The following ALPL variants were observed in gnomAD, a reference collection of about 807,000 sequenced individuals.
The protein encoded by ALPL is alkaline phosphatase, biomineralization associated.
ALPL carries 42 observed loss-of-function variants against 51.3 expected under a neutral mutation model. That is an observed-to-expected ratio of 0.82 (90% confidence interval 0.64 to 1.06). The LOEUF (loss-of-function observed/expected upper bound fraction) is 1.06, where lower values mean the gene tolerates loss of function less well. Among genes scored for constraint, ALPL ranks in the 50% least tolerant of loss-of-function variants. The probability of loss-of-function intolerance (pLI) is 0.00; values close to 1 mark genes in which losing one functional copy is unlikely to be tolerated. For missense variants in ALPL, 589 were observed against 709.4 expected, an observed-to-expected ratio of 0.83 and a Z score of 1.93; for synonymous variants, 279 against 296.4, an observed-to-expected ratio of 0.94 and a Z score of 0.60.
At chr1:21,566,764 A>T (rs1644571027) in intron 6 of ALPL, among the ~76,000 whole-genome samples, 1 of 149,714 alleles carries the variant, frequency 6.7e-6, no homozygotes, top group South Asian at 2.1e-4. Context: ...TAAGTTTCGA[A>T]ACAAATTTTA....
intron 1 of ALPL, among the ~76,000 whole-genome samples, chr1:21,548,028 G>C (rs1644274537): frequency 6.6e-6 from 1 of 152,232 alleles, no homozygotes; most frequent in African/African-American, 2.4e-5. Context: ...TGCTCCTCTG[G>C]CGCCACAGCC....
Position 21,576,628 on chromosome 1 carries a change from C to G in ALPL, c.1296C>G (p.Ser432=), listed in dbSNP as rs1280807181. The G allele has an allele frequency of 4.3e-6, 7 of 1,613,800 alleles. No individual in the cohort carries two copies. Among genetic ancestry groups the G allele is most frequent in the Non-Finnish European group, 5.9e-6 (7 of 1,179,840 alleles). The change falls in exon 11 of 12, where the codon TCC becomes TCG. Residue 432 remains serine (S), a synonymous_variant. Coordinates refer to ENST00000374840, the MANE Select transcript of ALPL (RefSeq NM_000478.6). ...KVVGGERENV[S]MVDYAHNNYQ... Reference sequence around the variant, plus strand: ...TGGGCGGTGAACGAGAGAATGTCTCCATGGTGGACTATGGTGAGACCTCCA... The same window carrying G: ...TGGGCGGTGAACGAGAGAATGTCTCGATGGTGGACTATGGTGAGACCTCCA...
rs144525601 is a variant in ALPL, at chr1:21,555,590, G to A, written c.61+1448G>A. Among the ~76,000 whole-genome samples the A allele has an allele frequency of 2.7e-3, 415 of 151,836 alleles. 3 individuals are homozygous for A. The highest frequency in any genetic ancestry group is 9.4e-3 in the African/African-American group (391 of 41,408). ...CGCCGCAACACCCGGCTAATTTTTT[G>A]TATTCTTATTAGAGACGGGGTTTCA... On this transcript the variant is annotated intron_variant, in intron 2 of 11. Coordinates refer to ENST00000374840, the MANE Select transcript of ALPL (RefSeq NM_000478.6).
At chr1:21,570,435 G>A in intron 8 of ALPL, 61 bp downstream of exon 8, 1 of 1,545,594 alleles carries the variant, frequency 6.5e-7, no homozygotes, top group East Asian at 2.3e-5. Flanking sequence ...GGAGCTGCGT[G>A]TGGCCAGCAC....
chr1:21,514,650 C>T (rs1030832433), intron 1 of ALPL, among the ~76,000 whole-genome samples: 3 of 152,114 alleles, frequency 2.0e-5, no homozygotes, highest in Non-Finnish European at 4.4e-5. Flanking sequence ...TAGGTCTCCA[C>T]GAATCAACTG....
rs1490668038 is a variant in ALPL at position 21,561,103 on chromosome 1, G to T, written c.188G>T (p.Gly63Val). ...CCCCCACTCCCCACTGCAGGGATGG[G>T]TGTCTCCACAGTGACGGCTGCCCGC... ...NVIMFLGDGM[G>V]VSTVTAARIL... The change falls in exon 4 of 12, where the codon GGT (glycine) becomes GTT (valine). Residue 63 changes from glycine to valine, a missense_variant. Transcript: ENST00000374840. The T allele has an allele frequency of 1.2e-6, 2 of 1,609,188 alleles. No individual in the cohort carries two copies. The highest frequency in any genetic ancestry group is 2.2e-5 in the East Asian group (1 of 44,648).
intron 1 of ALPL, among the ~76,000 whole-genome samples, chr1:21,514,659 T>C (rs1010746041): frequency 1.3e-5 from 2 of 152,196 alleles, no homozygotes; most frequent in African/African-American, 4.8e-5. Flanking sequence ...ACGAATCAAC[T>C]GCTCCAGGGG....
chr1:21,560,011 G>A (rs530888136), intron 2 of ALPL, among the ~76,000 whole-genome samples: 6 of 152,360 alleles, frequency 3.9e-5, no homozygotes, highest in East Asian at 3.9e-4. Flanking sequence ...GCAGAATGTC[G>A]TCCTTGATAA....
At chr1:21,568,984 C>T (rs1644607597) in intron 7 of ALPL, among the ~76,000 whole-genome samples, 1 of 152,134 alleles carries the variant, frequency 6.6e-6, no homozygotes, top group African/African-American at 2.4e-5. Flanking sequence ...GGGCTGAAGA[C>T]AGTGGGGAGT....
intron 1 of ALPL, among the ~76,000 whole-genome samples, chr1:21,519,129 A>G (rs1157423632): frequency 6.6e-6 from 1 of 152,200 alleles, no homozygotes; most frequent in Non-Finnish European, 1.5e-5. Context: ...TCGCCAAAGC[A>G]CTTCGCTCAC....
chr1:21,547,184 C>G (rs55855375), intron 1 of ALPL, among the ~76,000 whole-genome samples: 14,115 of 152,240 alleles, frequency 0.093, 944 homozygotes, highest in African/African-American at 0.19. Flanking sequence ...GTTGAATGAA[C>G]AAGCATCGGG....
intron 2 of ALPL, among the ~76,000 whole-genome samples, chr1:21,558,902 G>A (rs1260066473): frequency 6.6e-6 from 1 of 152,202 alleles, no homozygotes; most frequent in Admixed American, 6.5e-5. Context: ...CCCACTTGGG[G>A]CCCTAATCTC....
At chr1:21,567,627 G>A (rs759157314) in intron 6 of ALPL, among the ~76,000 whole-genome samples, 42 of 152,220 alleles carry the variant, frequency 2.8e-4, no homozygotes, top group Non-Finnish European at 5.0e-4. Flanking sequence ...GAAAAGCCCT[G>A]GGTTTGAATC....
At chr1:21,514,891 GCAGACA>G (rs1643764500) in intron 1 of ALPL, among the ~76,000 whole-genome samples, 1 of 152,088 alleles carries the variant, frequency 6.6e-6, no homozygotes, top group African/African-American at 2.4e-5. Flanking sequence ...GGCTCAGAGG[GCAGACA>G]CCTTAGGATT....
chr1:21,524,927 T>G (rs1200464322), intron 1 of ALPL, among the ~76,000 whole-genome samples: 4 of 152,172 alleles, frequency 2.6e-5, no homozygotes, highest in Non-Finnish European at 5.9e-5. Context: ...CCAGAGCAAT[T>G]AGCCTGGCTG....
chr1:21,536,699 C>T (rs1047972923), intron 1 of ALPL, among the ~76,000 whole-genome samples: 1 of 152,030 alleles, frequency 6.6e-6, no homozygotes, highest in Non-Finnish European at 1.5e-5. Flanking sequence ...GAGGCGGGAT[C>T]AGTCCCACCC....
chr1:21,509,442 A>C lies in ALPL; in HGVS notation c.-180A>C, dbSNP rs1226003447. 2 of 151,692 alleles carry C rather than the reference A, an allele frequency of 1.3e-5. No individual in the cohort carries two copies. The highest frequency in any genetic ancestry group is 4.8e-5 in the African/African-American group (2 of 41,310). The allele number at this position is 151,692 out of a possible 1,614,324, so 9.4% of individuals were successfully genotyped here. ...GCCCGGGCCGCGTTGCGCTCCCGCC[A>C]CTCCGCGCCCGCTATCCTGGCTCCG... On this transcript the variant is annotated 5_prime_UTR_variant, in exon 1 of 12. Transcript: ENST00000374840. The surrounding 1 kb of genome is among the most constrained non-coding windows in gnomAD (Gnocchi z 6.0).
intron 2 of ALPL, among the ~76,000 whole-genome samples, chr1:21,558,027 G>A (rs574226831): frequency 1.4e-4 from 22 of 152,310 alleles, no homozygotes; most frequent in Admixed American, 3.3e-4. Context: ...GCATTCTATC[G>A]TGAGCATTAG....
At chr1:21,568,071 C>T in intron 6 of ALPL, 33 bp from the exon 7 acceptor site, 1 of 1,613,844 alleles carries the variant, frequency 6.2e-7, no homozygotes, top group Non-Finnish European at 8.5e-7. Flanking sequence ...CATCTTGGAA[C>T]CCTGCAGAAG....
Sources: gnomAD v4.1 joint callset for allele counts (sites outside exome capture counted in the v4.1 genomes callset) on GRCh38, gnomAD v4.1.1 for gene constraint, Gnocchi (gnomAD v3.1) non-coding constraint, MANE v1.5 for transcripts, NCBI Gene and HGNC (gene_info 2026-07-23, HGNC 2026-07-21) for gene names.